The following TBC1D5 variants were observed in gnomAD, a reference collection of about 807,000 sequenced individuals.
The protein encoded by TBC1D5 is TBC1 domain family member 5.
In TBC1D5, 75 loss-of-function variants were observed where a neutral mutation model predicts 100.3. The observed-to-expected ratio is 0.75, with a 90% CI of 0.62 to 0.91. The LOEUF (loss-of-function observed/expected upper bound fraction) is 0.91, where lower values mean the gene tolerates loss of function less well. TBC1D5 is among the 40% of genes least tolerant of loss of function. The pLI is 0.00. For missense variants in TBC1D5, 910 were observed against 942.4 expected, an observed-to-expected ratio of 0.97 and a Z score of 0.45; for synonymous variants, 323 against 325.6, an observed-to-expected ratio of 0.99 and a Z score of 0.09.
chr3:17,726,135 A>T (rs915967415), intron 1 of TBC1D5, among the ~76,000 whole-genome samples: 3 of 152,182 alleles, frequency 2.0e-5, no homozygotes, highest in Admixed American at 2.0e-4. Flanking sequence ...ATGTAAGTTG[A>T]TTCCATGTCT....
chr3:17,415,655 AAT>A (rs909591973), intron 4 of TBC1D5, among the ~76,000 whole-genome samples: 1 of 152,122 alleles, frequency 6.6e-6, no homozygotes, highest in Non-Finnish European at 1.5e-5. Context: ...TAATAATTTA[AAT>A]ATATGATAAA....
chr3:17,427,907 G>C (rs1192569114), intron 4 of TBC1D5, among the ~76,000 whole-genome samples: 1 of 151,656 alleles, frequency 6.6e-6, no homozygotes, highest in Non-Finnish European at 1.5e-5. Flanking sequence ...GAAAGTACTA[G>C]GTAAAATACA....
intron 13 of TBC1D5, among the ~76,000 whole-genome samples, chr3:17,309,657 A>G (rs966908298): frequency 3.9e-5 from 6 of 152,042 alleles, no homozygotes; most frequent in African/African-American, 1.4e-4. Context: ...ACTTCTCCAC[A>G]CATTTCTAAT....
intron 15 of TBC1D5, among the ~76,000 whole-genome samples, chr3:17,287,717 A>C (rs2081313774): frequency 6.6e-6 from 1 of 152,210 alleles, no homozygotes; most frequent in Non-Finnish European, 1.5e-5. Context: ...CAAATAAGAA[A>C]TCTTTCCACA....
At chr3:17,319,739 G>A (rs888341434) in intron 13 of TBC1D5, among the ~76,000 whole-genome samples, 5 of 152,098 alleles carry the variant, frequency 3.3e-5, no homozygotes, top group East Asian at 3.9e-4. Flanking sequence ...GTGGGGTGGC[G>A]GGCACCTGTA....
intron 13 of TBC1D5, among the ~76,000 whole-genome samples, chr3:17,323,279 T>C (rs1245345704): frequency 6.6e-6 from 1 of 152,224 alleles, no homozygotes; most frequent in Non-Finnish European, 1.5e-5. Flanking sequence ...CCAGCATTAC[T>C]GGCATTCCAA....
chr3:17,335,404 A>G (rs1481925728), intron 13 of TBC1D5, among the ~76,000 whole-genome samples: 2 of 152,088 alleles, frequency 1.3e-5, no homozygotes, highest in Non-Finnish European at 2.9e-5. Flanking sequence ...ATCATCTCCT[A>G]TCTTTCTAGA....
intron 2 of TBC1D5, among the ~76,000 whole-genome samples, chr3:17,560,387 T>C (rs115296207): frequency 0.012 from 1,831 of 151,508 alleles, 40 homozygotes; most frequent in African/African-American, 0.041. Context: ...AAAGGACAAG[T>C]TGGGAGGATC....
At chr3:17,612,981 A>G (rs2061807334) in intron 2 of TBC1D5, among the ~76,000 whole-genome samples, 8 of 150,938 alleles carry the variant, frequency 5.3e-5, no homozygotes, top group Admixed American at 4.0e-4. Context: ...GGTTTGCTGC[A>G]CCCCTCAACA....
At chr3:17,718,096 T>TC (rs2075386270) in intron 1 of TBC1D5, among the ~76,000 whole-genome samples, 6 of 152,176 alleles carry the variant, frequency 3.9e-5, no homozygotes. Context: ...TTTGGAGAGC[T>TC]AGCCCCAAAG....
rs1401786730 is a variant in TBC1D5, at chr3:17,688,458, G to A, written c.-101+50885C>T. 2.0e-5 allele frequency among the ~76,000 whole-genome samples: 3 copies of A among 152,324 alleles called. No homozygotes were observed. The East Asian group carries it at 5.8e-4, about 29-fold the overall frequency. ...TATTTTTCATAAAAATGTTGGCACA[G>A]ATGAAGAAGCAATCAGCCACCTTAG... On this transcript the variant is annotated intron_variant, in intron 1 of 21. Transcript: ENST00000253692.
chr3:17,596,448 A>G (rs937231439), intron 2 of TBC1D5, among the ~76,000 whole-genome samples: 1 of 150,614 alleles, frequency 6.6e-6, no homozygotes, highest in African/African-American at 2.4e-5. Context: ...TCTCCCAAGT[A>G]GCTGGGATTA....
chr3:17,175,427 T>C (rs914035597), intron 19 of TBC1D5, among the ~76,000 whole-genome samples: 3 of 152,204 alleles, frequency 2.0e-5, no homozygotes, highest in Non-Finnish European at 2.9e-5. Flanking sequence ...GAGAGTAACA[T>C]GGAAGCATGA....
intron 8 of TBC1D5, among the ~76,000 whole-genome samples, chr3:17,385,481 T>C (rs1354867126): frequency 6.6e-6 from 1 of 152,152 alleles, no homozygotes; most frequent in Non-Finnish European, 1.5e-5. Flanking sequence ...AGCTATTTTA[T>C]GCTTCACTCT....
intron 1 of TBC1D5, among the ~76,000 whole-genome samples, chr3:17,674,573 T>C (rs17273069): frequency 0.04 from 6,017 of 152,268 alleles, 180 homozygotes; most frequent in Middle Eastern, 0.086. Flanking sequence ...TCAACTCTGA[T>C]TGGCATAAAT....
intron 8 of TBC1D5, among the ~76,000 whole-genome samples, chr3:17,393,313 G>A (rs2093411452): frequency 1.3e-5 from 2 of 152,096 alleles, no homozygotes; most frequent in Admixed American, 6.5e-5. Flanking sequence ...ACTGCTCAAG[G>A]AAATAAGAGA....
chr3:17,632,052 C>A (rs1163074033), intron 1 of TBC1D5, among the ~76,000 whole-genome samples: 2 of 152,184 alleles, frequency 1.3e-5, no homozygotes, highest in South Asian at 2.1e-4. Flanking sequence ...TGGGCAAAGT[C>A]AATTGAAACC....
chr3:17,542,854 G>T (rs1219244655), intron 2 of TBC1D5, among the ~76,000 whole-genome samples: 2 of 152,064 alleles, frequency 1.3e-5, no homozygotes, highest in East Asian at 3.9e-4. Flanking sequence ...AGCTGCATTT[G>T]GTTTGTTACT....
At chr3:17,728,855 G>A (rs926178921) in intron 1 of TBC1D5, among the ~76,000 whole-genome samples, 6 of 151,128 alleles carry the variant, frequency 4.0e-5, no homozygotes, top group Non-Finnish European at 7.4e-5. Flanking sequence ...ACCAAAAATC[G>A]TAAACAAAAA....
Sources: allele counts gnomAD v4.1 joint callset (sites outside exome capture counted in the v4.1 genomes callset), GRCh38; gene constraint gnomAD v4.1.1; transcripts MANE v1.5; gene names NCBI Gene and HGNC (gene_info 2026-07-23, HGNC 2026-07-21).